Variants in FUT9 observed in about 807,000 individuals in gnomAD.
FUT9 encodes the protein 4-galactosyl-N-acetylglucosaminide 3-alpha-L-fucosyltransferase 9.
FUT9 carries 15 observed loss-of-function variants against 29.7 expected under a neutral mutation model. The observed-to-expected ratio is 0.51, with a 90% CI of 0.34 to 0.78. The LOEUF (loss-of-function observed/expected upper bound fraction) is 0.78. Ranked by LOEUF, FUT9 falls within the 30% of genes least tolerant of loss-of-function variation. FUT9 has a pLI of 0.01. For synonymous variants in FUT9, 169 were observed against 153.7 expected (o/e 1.10, Z -0.74); for missense variants, 319 against 425.4 (o/e 0.75, Z 2.20).
chr6:96,104,289 TA>T, intron 1 of FUT9, among the ~76,000 whole-genome samples: 1 of 152,340 alleles, frequency 6.6e-6, no homozygotes, highest in East Asian at 1.9e-4. Flanking sequence ...TTAGGTTGTG[TA>T]TGTTATTTCC....
chr6:96,168,817 A>C (rs1350238834), intron 2 of FUT9, among the ~76,000 whole-genome samples: 2 of 152,160 alleles, frequency 1.3e-5, no homozygotes, highest in African/African-American at 4.8e-5. Context: ...ATCCCACAGA[A>C]AGTGAAAAAA....
chr6:96,075,435 T>C (rs1014824589), intron 1 of FUT9, among the ~76,000 whole-genome samples: 10 of 152,172 alleles, frequency 6.6e-5, no homozygotes, highest in African/African-American at 2.4e-4. Flanking sequence ...ATGATGGAAA[T>C]TTTGTGCTTC....
At chr6:96,113,584 G>C (rs1006173374) in intron 1 of FUT9, among the ~76,000 whole-genome samples, 3 of 151,626 alleles carry the variant, frequency 2.0e-5, no homozygotes, top group Non-Finnish European at 4.4e-5. Context: ...GGCTGGGTGC[G>C]GTGGCTCACG....
rs1216518939 is a variant in FUT9 at position 96,098,594 on chromosome 6, C to G, written c.-97-15445C>G. On this transcript the variant is annotated intron_variant, in intron 1 of 2. Coordinates refer to ENST00000302103, the MANE Select transcript of FUT9 (RefSeq NM_006581.4). ...TTTGGAAATTACATAACATAGTTGT[C>G]CCAGTTAGAGTCATTCCCAAATGTA... Among the ~76,000 whole-genome samples, 3 of 152,216 alleles carry G rather than the reference C, an allele frequency of 2.0e-5. No homozygotes were observed. The South Asian group carries it at 6.2e-4, about 32-fold the overall frequency.
intron 1 of FUT9, among the ~76,000 whole-genome samples, chr6:96,112,191 G>C (rs568332787): frequency 2.0e-5 from 3 of 152,232 alleles, no homozygotes; most frequent in Admixed American, 2.0e-4. Flanking sequence ...ATACCTCCCA[G>C]CTTCTTAATA....
intron 2 of FUT9, among the ~76,000 whole-genome samples, chr6:96,137,412 CCAA>C (rs1177966033): frequency 5.3e-5 from 8 of 151,880 alleles, no homozygotes; most frequent in Non-Finnish European, 1.0e-4. Context: ...AGAAGAATTC[CCAA>C]CAAGTTATGT....
chr6:96,056,938 C>A (rs1282815782), intron 1 of FUT9, among the ~76,000 whole-genome samples: 2 of 152,066 alleles, frequency 1.3e-5, no homozygotes, highest in African/African-American at 2.4e-5. Flanking sequence ...AGTACCCACA[C>A]AACAATTTTA....
Position 96,203,311 on chromosome 6 carries a change from C to T in FUT9, c.156C>T (p.Asn52=), listed in dbSNP as rs534420311. 9 of 1,613,900 alleles carry T rather than the reference C, an allele frequency of 5.6e-6. No individual in the cohort carries two copies. In the East Asian group the frequency reaches 1.8e-4, roughly 32 times the overall value. The change falls in exon 3 of 3, where the codon AAC becomes AAT. Residue 52 remains asparagine, a synonymous_variant. Coordinates refer to ENST00000302103, the MANE Select transcript of FUT9 (RefSeq NM_006581.4). ...ESASSVLKMK[N]FFSTKTDYFN... is the part of the protein sequence containing the mutation. ...CCAGCTCTGTGCTGAAAATGAAAAA[C>T]TTCTTTTCCACCAAAACTGATTATT...
At chr6:96,058,093 C>G (rs1328774639) in intron 1 of FUT9, among the ~76,000 whole-genome samples, 3 of 151,894 alleles carry the variant, frequency 2.0e-5, no homozygotes, top group Non-Finnish European at 2.9e-5. Flanking sequence ...CAATAGCAGA[C>G]GGGCGGTAAC....
chr6:96,142,698 C>T (rs1772486735), intron 2 of FUT9, among the ~76,000 whole-genome samples: 1 of 150,204 alleles, frequency 6.7e-6, no homozygotes, highest in African/African-American at 2.5e-5. Context: ...ACAAAATTTT[C>T]AGAGAGAAAT....
intron 1 of FUT9, among the ~76,000 whole-genome samples, chr6:96,020,179 T>A (rs1190985761): frequency 2.0e-5 from 3 of 152,176 alleles, no homozygotes; most frequent in African/African-American, 7.2e-5. Flanking sequence ...TAAAAATCTT[T>A]TAACATTTTT....
chr6:96,122,859 A>G (rs1772055470), intron 2 of FUT9, among the ~76,000 whole-genome samples: 1 of 151,990 alleles, frequency 6.6e-6, no homozygotes, highest in African/African-American at 2.4e-5. Flanking sequence ...ATCCTGCCTA[A>G]CACGGTGAAA....
chr6:96,171,746 T>C (rs541518503), intron 2 of FUT9, among the ~76,000 whole-genome samples: 1 of 152,280 alleles, frequency 6.6e-6, no homozygotes, highest in African/African-American at 2.4e-5. Flanking sequence ...TGAATCCTTC[T>C]ACCTTATTCA....
intron 2 of FUT9, among the ~76,000 whole-genome samples, chr6:96,181,301 G>T (rs957101450): frequency 4.6e-5 from 7 of 151,982 alleles, no homozygotes; most frequent in African/African-American, 1.4e-4. Flanking sequence ...CATCCTACTA[G>T]CTTCCACAGC....
chr6:96,043,586 A>C (rs1237918973), intron 1 of FUT9, among the ~76,000 whole-genome samples: 1 of 152,228 alleles, frequency 6.6e-6, no homozygotes, highest in Non-Finnish European at 1.5e-5. Flanking sequence ...TACATTATTA[A>C]GTGTCTTACA....
intron 1 of FUT9, among the ~76,000 whole-genome samples, chr6:96,032,196 C>G (rs1770273955): frequency 6.6e-6 from 1 of 151,564 alleles, no homozygotes; most frequent in African/African-American, 2.4e-5. Flanking sequence ...GTTTCTCACA[C>G]TTTGTTTCCC....
At chr6:96,107,022 C>T (rs1380341957) in intron 1 of FUT9, among the ~76,000 whole-genome samples, 4 of 152,226 alleles carry the variant, frequency 2.6e-5, no homozygotes, top group South Asian at 4.2e-4. Context: ...ATAATATATG[C>T]GTACCTATAG....
intron 1 of FUT9, among the ~76,000 whole-genome samples, chr6:96,075,078 T>C (rs1008488536): frequency 6.6e-6 from 1 of 152,090 alleles, no homozygotes; most frequent in African/African-American, 2.4e-5. Flanking sequence ...GCCAGCACAC[T>C]GGGCCTGATT....
intron 1 of FUT9, among the ~76,000 whole-genome samples, chr6:96,048,047 C>A (rs1046784417): frequency 2.0e-5 from 3 of 152,158 alleles, no homozygotes; most frequent in African/African-American, 7.2e-5. Context: ...TGCCTGCATT[C>A]TTTGGCTCAT....
Sources: gnomAD v4.1 joint callset for allele counts (sites outside exome capture counted in the v4.1 genomes callset) on GRCh38, gnomAD v4.1.1 for gene constraint, MANE v1.5 for transcripts, NCBI Gene and HGNC (gene_info 2026-07-23, HGNC 2026-07-21) for gene names.